The following SPATA16 variants were observed in gnomAD, a reference collection of about 807,000 sequenced individuals.
SPATA16 encodes the protein spermatogenesis-associated protein 16.
Under a neutral mutation model 63.3 loss-of-function variants are expected in SPATA16, and 36 were observed. The ratio of observed to expected loss-of-function variants is 0.57; its 90% CI spans 0.44 to 0.75. The LOEUF is 0.75. Ranked by LOEUF, SPATA16 falls within the 30% of genes least tolerant of loss-of-function variation. SPATA16 has a pLI of 0.00. For missense variants in SPATA16, 646 were observed against 679.3 expected, an observed-to-expected ratio of 0.95 and a Z score of 0.54; for synonymous variants, 203 against 216.7, an observed-to-expected ratio of 0.94 and a Z score of 0.56.
chr3:172,960,130 C>T lies in SPATA16; in HGVS notation c.934-3306G>A, dbSNP rs376314360. Among the ~76,000 whole-genome samples, 17 of 151,966 alleles carry T rather than the reference C, an allele frequency of 1.1e-4. 3 individuals are homozygous for T. The highest frequency in any genetic ancestry group is 3.3e-4 in the Admixed American group (5 of 15,250). On this transcript the variant is annotated intron_variant, in intron 5 of 10. Transcript: ENST00000351008. ...TTTACTTTTTATAATAAAAGATTTT[C>T]CTTGATTTTGCGAATAAAGGAAGAG...
intron 5 of SPATA16, among the ~76,000 whole-genome samples, chr3:172,971,124 A>T (rs1734037296): frequency 6.6e-6 from 1 of 152,132 alleles, no homozygotes; most frequent in Non-Finnish European, 1.5e-5. Flanking sequence ...GGAGGCTAAG[A>T]ACTTGGAACT....
At chr3:173,034,213 G>C (rs1432785637) in intron 3 of SPATA16, among the ~76,000 whole-genome samples, 5 of 152,102 alleles carry the variant, frequency 3.3e-5, no homozygotes, top group African/African-American at 1.2e-4. Flanking sequence ...ATGGAAATAA[G>C]TGTTTGTCTG....
At chr3:173,012,513 C>G (rs896073962) in intron 4 of SPATA16, among the ~76,000 whole-genome samples, 1 of 152,160 alleles carries the variant, frequency 6.6e-6, no homozygotes, top group African/African-American at 2.4e-5. Context: ...CATCACATTA[C>G]CTGACTTCAG....
chr3:172,929,986 T>A (rs966216874), intron 6 of SPATA16, among the ~76,000 whole-genome samples: 1 of 152,246 alleles, frequency 6.6e-6, no homozygotes, highest in Non-Finnish European at 1.5e-5. Context: ...TCTTTCCTCT[T>A]ATTCCCCATT....
At chr3:172,963,594 G>A (rs532102301) in intron 5 of SPATA16, among the ~76,000 whole-genome samples, 1 of 151,976 alleles carries the variant, frequency 6.6e-6, no homozygotes, top group Non-Finnish European at 1.5e-5. Context: ...AGTATGTTTA[G>A]GGTTAGAGTT....
intron 4 of SPATA16, among the ~76,000 whole-genome samples, chr3:172,991,087 G>A (rs546091958): frequency 6.6e-6 from 1 of 152,110 alleles, no homozygotes; most frequent in Admixed American, 6.6e-5. Context: ...ATACACCTAG[G>A]TTTTCCCAAG....
chr3:173,087,344 A>T (rs1737084806), intron 2 of SPATA16, among the ~76,000 whole-genome samples: 2 of 152,146 alleles, frequency 1.3e-5, no homozygotes, highest in African/African-American at 2.4e-5. Flanking sequence ...CTAGGGTTGC[A>T]ACCCCTGCTT....
chr3:173,125,518 A>T (rs974597657), intron 1 of SPATA16, among the ~76,000 whole-genome samples: 1 of 152,186 alleles, frequency 6.6e-6, no homozygotes, highest in African/African-American at 2.4e-5. Flanking sequence ...TGTTCCAGCC[A>T]CCTGGCATTC....
chr3:173,037,256 G>A (rs2108287455), intron 3 of SPATA16, among the ~76,000 whole-genome samples: 2 of 151,798 alleles, frequency 1.3e-5, no homozygotes, highest in South Asian at 4.2e-4. Flanking sequence ...CCTTTTTTGG[G>A]TACTACATGT....
intron 3 of SPATA16, among the ~76,000 whole-genome samples, chr3:173,022,265 A>G (rs1476958889): frequency 6.6e-6 from 1 of 152,168 alleles, no homozygotes; most frequent in African/African-American, 2.4e-5. Flanking sequence ...TTTAGAAATC[A>G]CTATTGCTAG....
intron 2 of SPATA16, among the ~76,000 whole-genome samples, chr3:173,077,775 A>C (rs1736840830): frequency 6.6e-6 from 1 of 152,182 alleles, no homozygotes; most frequent in African/African-American, 2.4e-5. Context: ...AGAAAGATTC[A>C]CCCAGACATA....
chr3:172,966,695 T>G (rs1383036224), intron 5 of SPATA16, among the ~76,000 whole-genome samples: 1 of 152,142 alleles, frequency 6.6e-6, no homozygotes, highest in African/African-American at 2.4e-5. Flanking sequence ...TACAATCATA[T>G]GAATTCAAGA....
chr3:172,903,578 G>C (rs937304050), intron 10 of SPATA16, among the ~76,000 whole-genome samples: 20 of 152,198 alleles, frequency 1.3e-4, no homozygotes, highest in Non-Finnish European at 4.4e-5. Flanking sequence ...TGCATTTCTG[G>C]ATGATAATTC....
chr3:173,025,071 T>C (rs1735422295), intron 3 of SPATA16, among the ~76,000 whole-genome samples: 1 of 151,040 alleles, frequency 6.6e-6, no homozygotes, highest in Non-Finnish European at 1.5e-5. Context: ...TTATAACTTT[T>C]ACTGTTAATT....
At chr3:172,985,783 C>T (rs1734440023) in intron 4 of SPATA16, among the ~76,000 whole-genome samples, 1 of 152,030 alleles carries the variant, frequency 6.6e-6, no homozygotes, top group Admixed American at 6.6e-5. Context: ...AATGCAGAAT[C>T]TCAGGAGAAG....
At chr3:173,107,456 T>TC (rs1333136417) in intron 2 of SPATA16, among the ~76,000 whole-genome samples, 2 of 74,968 alleles carry the variant, frequency 2.7e-5, no homozygotes, top group East Asian at 3.1e-4. Context: ...TCTCTCTCTA[T>TC]TTTTTTTTTT....
rs539104304 is a variant in SPATA16 at position 173,119,554 on chromosome 3, G to A, written c.-18-1805C>T. On this transcript the variant is annotated intron_variant, in intron 1 of 10. Coordinates refer to ENST00000351008, the MANE Select transcript of SPATA16 (RefSeq NM_031955.6). ...CTGAATTCCAATAATTCTAATAATA[G>A]CTATCTTGTATATTAATTTGTAAAA... Among the ~76,000 whole-genome samples, 6 of 152,256 alleles carry A rather than the reference G, an allele frequency of 3.9e-5. No homozygotes were observed. The South Asian group carries it at 1.2e-3, about 32-fold the overall frequency.
rs530713955 is a variant in SPATA16, at chr3:172,963,225, A to T, written c.934-6401T>A. 1.1e-3 allele frequency among the ~76,000 whole-genome samples: 171 copies of T among 152,222 alleles called. 1 individual carries two copies. Among genetic ancestry groups the T allele is most frequent in the African/African-American group, 4.0e-3 (167 of 41,560 alleles). On this transcript the variant is annotated intron_variant, in intron 5 of 10. Transcript: ENST00000351008. ...AATAAGTTTCATTTTTTCTTAATAT[A>T]AAAGAATATTTGGCAGCTTTGCCAT...
intron 2 of SPATA16, among the ~76,000 whole-genome samples, chr3:173,057,332 C>A (rs1025980693): frequency 6.6e-6 from 1 of 152,042 alleles, no homozygotes; most frequent in African/African-American, 2.4e-5. Context: ...CCAGGATGGT[C>A]TCCATCGCCT....
Sources: allele counts gnomAD v4.1 joint callset (sites outside exome capture counted in the v4.1 genomes callset), GRCh38; gene constraint gnomAD v4.1.1; transcripts MANE v1.5; gene names NCBI Gene and HGNC (gene_info 2026-07-23, HGNC 2026-07-21).